The following PTPRM variants were observed in gnomAD, a reference collection of about 807,000 sequenced individuals.
The protein encoded by PTPRM is receptor-type tyrosine-protein phosphatase mu.
Under a neutral mutation model 186.7 loss-of-function variants are expected in PTPRM, and 47 were observed. The ratio of observed to expected loss-of-function variants is 0.25; its 90% CI spans 0.20 to 0.32. The LOEUF (loss-of-function observed/expected upper bound fraction) is 0.32, where lower values mean the gene tolerates loss of function less well. Ranked by LOEUF, PTPRM falls within the 10% of genes least tolerant of loss-of-function variation. The pLI, the probability that PTPRM is intolerant of heterozygous loss-of-function variation, is 1.00. For missense variants in PTPRM, 1,494 were observed against 1,865.0 expected (o/e 0.80, Z 3.66); for synonymous variants, 668 against 674.9 (o/e 0.99, Z 0.16).
In PTPRM at chr18:7,946,838, A is replaced by G. The variant is rs1207385990; in HGVS notation, c.664-2343A>G. The G allele has an allele frequency of 1.2e-5, 5 of 423,826 alleles. No homozygotes were observed. The East Asian group carries it at 2.8e-4, about 24-fold the overall frequency. The allele number at this position is 423,826 out of a possible 1,614,324, so 26.3% of individuals were successfully genotyped here. A position where few individuals can be genotyped will look rare whatever the true frequency, so the allele number is the denominator to read the frequency against. On this transcript the variant is annotated intron_variant, in intron 5 of 32. Transcript: ENST00000580170. ...CTCGTGATGTTTCCTTCCAAGTGGC[A>G]GGAACTGTACTATTGCAGCACTCCT...
intron 22 of PTPRM, among the ~76,000 whole-genome samples, chr18:8,339,605 G>A (rs998674677): frequency 6.6e-6 from 1 of 152,126 alleles, no homozygotes; most frequent in Non-Finnish European, 1.5e-5. Flanking sequence ...GGGAGTCAGA[G>A]GTCAAAGGCA....
chr18:8,067,879 G>T (rs2089204433), intron 7 of PTPRM, among the ~76,000 whole-genome samples: 1 of 152,156 alleles, frequency 6.6e-6, no homozygotes, highest in Admixed American at 6.5e-5. Context: ...CAGCACTTTT[G>T]TCTCAAGTTT....
intron 13 of PTPRM, among the ~76,000 whole-genome samples, chr18:8,123,875 T>C (rs550274442): frequency 1.3e-5 from 2 of 152,324 alleles, no homozygotes; most frequent in East Asian, 3.9e-4. Flanking sequence ...GTTCCCACCT[T>C]CATAAAACAA....
intron 5 of PTPRM, among the ~76,000 whole-genome samples, chr18:7,942,894 C>T (rs1217183697): frequency 3.3e-5 from 5 of 152,122 alleles, no homozygotes; most frequent in Non-Finnish European, 7.4e-5. Context: ...CGCGTGTCTT[C>T]TTAGAATGGG....
intron 2 of PTPRM, 29 bp downstream of exon 2, chr18:7,774,300 A>G: frequency 6.8e-6 from 11 of 1,610,070 alleles, no homozygotes; most frequent in Non-Finnish European, 8.5e-6. Context: ...GTTTTGTTTT[A>G]AAGAGGAACA....
intron 1 of PTPRM, among the ~76,000 whole-genome samples, chr18:7,638,399 T>C (rs2038368367): frequency 6.6e-6 from 1 of 152,222 alleles, no homozygotes; most frequent in African/African-American, 2.4e-5. Context: ...AGACAGTGCA[T>C]ATGATTAAGA....
chr18:7,597,619 C>T (rs1448768249), intron 1 of PTPRM, among the ~76,000 whole-genome samples: 1 of 151,608 alleles, frequency 6.6e-6, no homozygotes, highest in Non-Finnish European at 1.5e-5. Flanking sequence ...TCCGTCCCTG[C>T]TTCTCCATTC....
At chr18:7,973,369 G>A (rs1024330391) in intron 7 of PTPRM, among the ~76,000 whole-genome samples, 1 of 152,140 alleles carries the variant, frequency 6.6e-6, no homozygotes, top group Non-Finnish European at 1.5e-5. Context: ...CACAATGTCA[G>A]GGTCCTCAAA....
chr18:8,379,272 C>T lies in PTPRM; in HGVS notation c.3718C>T (p.Arg1240Cys), dbSNP rs765900894. The change falls in exon 28 of 33, where the codon CGC (arginine) becomes TGC (cysteine). Residue 1240 changes from arginine to cysteine, a missense_variant. Transcript: ENST00000580170. ...NRCMDILPPD[R>C]CLPFLITIDG... ...GTGCATGGACATCCTGCCCCCAGACCGCTGCCTGCCCTTCCTCATCACCAT... is the reference window on the plus strand; with the variant it reads ...GTGCATGGACATCCTGCCCCCAGACTGCTGCCTGCCCTTCCTCATCACCAT... 6.2e-7 allele frequency: 1 copy of T among 1,614,116 alleles called. No homozygotes were observed. The highest frequency in any genetic ancestry group is 1.7e-5 in the Admixed American group (1 of 60,014).
chr18:7,712,558 TAAC>T (rs1379598804), intron 1 of PTPRM, among the ~76,000 whole-genome samples: 1 of 151,858 alleles, frequency 6.6e-6, no homozygotes, highest in Non-Finnish European at 1.5e-5. Context: ...AGGTGGGTAA[TAAC>T]AATCTCCTGC....
At chr18:7,746,575 C>T (rs1313540673) in intron 1 of PTPRM, among the ~76,000 whole-genome samples, 1 of 152,056 alleles carries the variant, frequency 6.6e-6, no homozygotes, top group Non-Finnish European at 1.5e-5. Flanking sequence ...AAGCAATTCT[C>T]CTGCCTCAGC....
In PTPRM at chr18:8,100,150, A is replaced by ATGTG. The variant is rs2091224652; in HGVS notation, c.1856+11302_1856+11305dup. On this transcript the variant is annotated intron_variant, in intron 11 of 32. Coordinates refer to ENST00000580170, the MANE Select transcript of PTPRM (RefSeq NM_001105244.2). The stretch of plus-strand genomic sequence containing the variant: ...CACACTTGTGTGTGTGTGTGTGTGT[A>ATGTG]TGTGTGGAAACGGAGTCTTACTCTG... 5.4e-5 allele frequency among the ~76,000 whole-genome samples: 8 copies of ATGTG among 149,086 alleles called. No homozygotes were observed. In the South Asian group the frequency reaches 1.7e-3, roughly 31 times the overall value.
At chr18:7,805,686 G>A (rs1042364298) in intron 2 of PTPRM, among the ~76,000 whole-genome samples, 1 of 152,026 alleles carries the variant, frequency 6.6e-6, no homozygotes, top group African/African-American at 2.4e-5. Flanking sequence ...CAGAAGACAT[G>A]GTTTATACTT....
intron 11 of PTPRM, among the ~76,000 whole-genome samples, chr18:8,103,242 G>A (rs1385521544): frequency 6.6e-6 from 1 of 152,176 alleles, no homozygotes; most frequent in Non-Finnish European, 1.5e-5. Context: ...ACAAGAGTCA[G>A]CCTGTCCTTT....
At chr18:7,782,177 C>T (rs2042888449) in intron 2 of PTPRM, among the ~76,000 whole-genome samples, 4 of 152,202 alleles carry the variant, frequency 2.6e-5, no homozygotes, top group Admixed American at 2.0e-4. Flanking sequence ...TGAAACACCA[C>T]AGGCTCTGTG....
intron 18 of PTPRM, among the ~76,000 whole-genome samples, chr18:8,252,726 C>T (rs971009893): frequency 2.6e-5 from 4 of 152,216 alleles, no homozygotes; most frequent in African/African-American, 9.6e-5. Context: ...ACCAGGTTCC[C>T]TTTTATTTTT....
At chr18:7,642,667 T>G (rs1438754471) in intron 1 of PTPRM, among the ~76,000 whole-genome samples, 3 of 151,954 alleles carry the variant, frequency 2.0e-5, no homozygotes, top group African/African-American at 7.2e-5. Context: ...CAGCATTATG[T>G]GTGGGTTATA....
chr18:7,930,432 A>G (rs2146843918), intron 5 of PTPRM, among the ~76,000 whole-genome samples: 1 of 152,336 alleles, frequency 6.6e-6, no homozygotes, highest in South Asian at 2.1e-4. Flanking sequence ...GGTATTCTGC[A>G]CAAAGTTTCA....
At chr18:7,982,423 G>C (rs1352110328) in intron 7 of PTPRM, among the ~76,000 whole-genome samples, 1 of 151,514 alleles carries the variant, frequency 6.6e-6, no homozygotes, top group Non-Finnish European at 1.5e-5. Context: ...AGGTCTTCAG[G>C]GGGCAGTAAC....
Sources: allele counts gnomAD v4.1 joint callset (sites outside exome capture counted in the v4.1 genomes callset), GRCh38; gene constraint gnomAD v4.1.1; transcripts MANE v1.5; gene names NCBI Gene and HGNC (gene_info 2026-07-23, HGNC 2026-07-21).